TACR1: variants seen among roughly 807,000 people sequenced by gnomAD.
TACR1 encodes the protein tachykinin receptor 1.
A neutral mutation model predicts 35.8 loss-of-function variants in TACR1; 25 were observed. The ratio of observed to expected loss-of-function variants is 0.70; its 90% CI spans 0.51 to 0.98. TACR1 has a LOEUF of 0.98. Among genes scored for constraint, TACR1 ranks in the 50% least tolerant of loss-of-function variants. TACR1 has a pLI of 0.00. For missense variants in TACR1, 478 were observed against 522.9 expected (o/e 0.91, Z 0.84); for synonymous variants, 195 against 206.7 (o/e 0.94, Z 0.48).
intron 4 of TACR1, 80 bp from the exon 5 acceptor site, chr2:75,049,803 A>G: frequency 7.0e-7 from 1 of 1,422,518 alleles, no homozygotes; most frequent in Non-Finnish European, 9.5e-7. Context: ...CAGCTTGTTA[A>G]CACATGGACA....
chr2:75,191,242 C>T (rs1045379971), intron 1 of TACR1, among the ~76,000 whole-genome samples: 6 of 152,070 alleles, frequency 3.9e-5, no homozygotes, highest in East Asian at 1.9e-4. Context: ...CTGTGTCTAT[C>T]GTATTTTTAT....
intron 1 of TACR1, among the ~76,000 whole-genome samples, chr2:75,155,294 A>C (rs927098366): frequency 6.6e-5 from 10 of 152,138 alleles, no homozygotes; most frequent in Non-Finnish European, 1.5e-4. Context: ...AATGAGCCTC[A>C]AGCTCACTTA....
In TACR1 at chr2:75,048,316, A is replaced by G. The variant is rs1478815380; in HGVS notation, c.*1116T>C. 6.6e-6 allele frequency: 1 copy of G among 152,252 alleles called. No individual in the cohort carries two copies. Among genetic ancestry groups the G allele is most frequent in the Non-Finnish European group, 1.5e-5 (1 of 68,046 alleles). 9.4% of individuals were successfully genotyped at this position (152,252 alleles called of 1,614,324 possible). ...CAAAAGGTTAAAGCAGGGAGCCCACATTTGTCTTCTCTGACAGTGTTCTGC... is the reference window on the plus strand; with the variant it reads ...CAAAAGGTTAAAGCAGGGAGCCCACGTTTGTCTTCTCTGACAGTGTTCTGC... On this transcript the variant is annotated 3_prime_UTR_variant, in exon 5 of 5. Coordinates refer to ENST00000305249, the MANE Select transcript of TACR1 (RefSeq NM_001058.4).
chr2:75,154,411 C>CGCGCGCGT (rs1558572275), intron 1 of TACR1: 1 of 59,086 alleles, frequency 1.7e-5, no homozygotes, highest in Non-Finnish European at 4.2e-5. Context: ...AGCGCGCACG[C>CGCGCGCGT]ACACACACAC....
chr2:75,124,266 G>A (rs888334475), intron 1 of TACR1, among the ~76,000 whole-genome samples: 11 of 152,188 alleles, frequency 7.2e-5, no homozygotes, highest in Admixed American at 7.2e-4. Flanking sequence ...TTTCTTGTAG[G>A]CAGAGTGAAA....
chr2:75,193,083 C>G (rs1298893781), intron 1 of TACR1, among the ~76,000 whole-genome samples: 7 of 152,078 alleles, frequency 4.6e-5, no homozygotes, highest in Admixed American at 4.6e-4. Context: ...CCTCCATCCT[C>G]TCTCCCCTAC....
chr2:75,143,701 A>C (rs1328165545), intron 1 of TACR1, among the ~76,000 whole-genome samples: 1 of 152,238 alleles, frequency 6.6e-6, no homozygotes, highest in African/African-American at 2.4e-5. Context: ...GGTGCAAAAT[A>C]AAAGCAAATT....
chr2:75,054,111 AC>A (rs1417365160), intron 2 of TACR1, among the ~76,000 whole-genome samples: 2 of 151,944 alleles, frequency 1.3e-5, no homozygotes, highest in African/African-American at 4.8e-5. Context: ...GCCCCACACC[AC>A]CCCCCAAAAC....
At chr2:75,138,659 A>G (rs1275366382) in intron 1 of TACR1, among the ~76,000 whole-genome samples, 1 of 152,164 alleles carries the variant, frequency 6.6e-6, no homozygotes, top group Non-Finnish European at 1.5e-5. Flanking sequence ...GGTGGTCGTC[A>G]TGTCAAGGAC....
intron 1 of TACR1, among the ~76,000 whole-genome samples, chr2:75,128,428 G>A (rs76775346): frequency 0.014 from 2,140 of 152,266 alleles, 45 homozygotes; most frequent in African/African-American, 0.048. Flanking sequence ...TATCACTAAG[G>A]TCTGATGTGA....
At chr2:75,084,599 T>G (rs1346783314) in intron 2 of TACR1, among the ~76,000 whole-genome samples, 1 of 152,216 alleles carries the variant, frequency 6.6e-6, no homozygotes. Flanking sequence ...TTGCCTTAAT[T>G]TCAGAGCCTG....
chr2:75,198,851 T>G lies in TACR1; in HGVS notation c.84A>C (p.Pro28=), dbSNP rs1202412935. 1 of 1,614,146 alleles carries G rather than the reference T, an allele frequency of 6.2e-7. No individual in the cohort carries two copies. Residue 28 remains proline, a synonymous_variant, in exon 1 of 5, where the codon CCA becomes CCC. Transcript: ENST00000305249. Reference sequence around the variant, plus strand: ...CTGCCCAAAGGACAATTTGCCAGGCTGGTTGCACGAACTGATTGGGTTCCG... The same window carrying G: ...CTGCCCAAAGGACAATTTGCCAGGCGGGTTGCACGAACTGATTGGGTTCCG... The part of the protein sequence containing the change: ...NTSEPNQFVQ[P]AWQIVLWAAA...
chr2:75,085,910 C>G (rs1296671376), intron 2 of TACR1, among the ~76,000 whole-genome samples: 1 of 152,180 alleles, frequency 6.6e-6, no homozygotes, highest in Non-Finnish European at 1.5e-5. Flanking sequence ...CTAGTATGCA[C>G]CAGTATTTTT....
At chr2:75,156,159 G>A (rs1362871951) in intron 1 of TACR1, 4 of 152,136 alleles carry the variant, frequency 2.6e-5, no homozygotes, top group African/African-American at 7.2e-5. Flanking sequence ...ACAAATTATT[G>A]TGGTGGGTCC....
chr2:75,180,201 T>G (rs1675529882), intron 1 of TACR1, among the ~76,000 whole-genome samples: 1 of 152,218 alleles, frequency 6.6e-6, no homozygotes, highest in Non-Finnish European at 1.5e-5. Flanking sequence ...CTCTATCCTC[T>G]TACCCTTGTC....
intron 2 of TACR1, among the ~76,000 whole-genome samples, chr2:75,067,762 G>A (rs57699126): frequency 0.021 from 3,254 of 152,194 alleles, 130 homozygotes; most frequent in African/African-American, 0.075. Flanking sequence ...AGGTCCAAAT[G>A]TGCTGGGCAC....
In TACR1 at chr2:75,051,376, G is replaced by A. The variant is rs199805089; in HGVS notation, c.807C>T (p.Leu269=). Residue 269 remains leucine (L), a synonymous_variant, in exon 4 of 5, where the codon CTC becomes CTT. Transcript: ENST00000305249. ...AGAGATCTGGGTTGATGTAGGGCAG[G>A]AGGAAGAAGATGTGGAAGGGCAGCC... is the stretch of plus-strand genomic sequence containing the variant. ...ICWLPFHIFF[L]LPYINPDLYL... is the part of the protein sequence containing the mutation. 5 of 1,614,212 alleles carry A rather than the reference G, an allele frequency of 3.1e-6. No homozygotes were observed. The highest frequency in any genetic ancestry group is 4.2e-6 in the Non-Finnish European group (5 of 1,180,040).
intron 1 of TACR1, among the ~76,000 whole-genome samples, chr2:75,158,298 G>C (rs1238398953): frequency 2.0e-5 from 3 of 152,218 alleles, no homozygotes. Context: ...GACATGGAGA[G>C]ATTTCCACAG....
intron 1 of TACR1, among the ~76,000 whole-genome samples, chr2:75,140,254 C>T (rs1230797141): frequency 6.6e-6 from 1 of 151,976 alleles, no homozygotes; most frequent in African/African-American, 2.4e-5. Context: ...CACCTTTTCC[C>T]ACTCAAGTTA....
Sources: gnomAD v4.1 joint callset for allele counts (sites outside exome capture counted in the v4.1 genomes callset) on GRCh38, gnomAD v4.1.1 for gene constraint, MANE v1.5 for transcripts, NCBI Gene and HGNC (gene_info 2026-07-23, HGNC 2026-07-21) for gene names.